Variants in MROH1 observed in about 807,000 individuals in gnomAD.
The protein encoded by MROH1 is maestro heat-like repeat-containing protein family member 1.
In MROH1, 117 loss-of-function variants were observed where a neutral mutation model predicts 116.5. That is an observed-to-expected ratio of 1.00 (90% CI 0.86 to 1.17). MROH1 has a LOEUF of 1.17. Among genes scored for constraint, MROH1 ranks in the 50% most tolerant of loss-of-function variants. MROH1 has a pLI of 0.00. For missense variants in MROH1, 1,873 were observed against 1,338.5 expected, an observed-to-expected ratio of 1.40 and a Z score of -6.23; for synonymous variants, 921 against 583.9, an observed-to-expected ratio of 1.58 and a Z score of -8.32.
At chr8:144,156,288 C>G (rs1274579274) in intron 1 of MROH1, among the ~76,000 whole-genome samples, 2 of 150,756 alleles carry the variant, frequency 1.3e-5, no homozygotes, top group African/African-American at 4.9e-5. Context: ...CCTTCTCTTC[C>G]TAGTTAAGGT....
Position 144,234,861 on chromosome 8 carries a change from TG to T in MROH1, c.1339-3894del, listed in dbSNP as rs561993250. 1.1e-4 allele frequency among the ~76,000 whole-genome samples: 17 copies of T among 150,858 alleles called. No homozygotes were observed. The South Asian group carries it at 3.3e-3, about 30-fold the overall frequency. ...TCATTTTCAGTTTATTATTTGCTAC[TG>T]TATAGAAAAACAATTATCCTTTTTC... On this transcript the variant is annotated intron_variant, in intron 14 of 43. Transcript: ENST00000326134.
At chr8:144,247,479 G>A (rs891590725) in intron 30 of MROH1, 43 bp downstream of exon 30, 2 of 764,918 alleles carry the variant, frequency 2.6e-6, no homozygotes, top group Non-Finnish European at 4.9e-6. Context: ...GTCGTGCAGG[G>A]GTGCTTGGAG....
chr8:144,150,036 C>G (rs897881332), intron 1 of MROH1, among the ~76,000 whole-genome samples: 73 of 152,280 alleles, frequency 4.8e-4, no homozygotes, highest in African/African-American at 1.7e-3. Flanking sequence ...ACACCCAGCC[C>G]TGCAGGCTGG....
intron 12 of MROH1, among the ~76,000 whole-genome samples, chr8:144,219,273 C>T (rs772679652): frequency 1.3e-5 from 2 of 152,092 alleles, no homozygotes; most frequent in Admixed American, 6.6e-5. Flanking sequence ...CCGCCCGTCT[C>T]GGCCTCCCAG....
At chr8:144,202,887 A>G (rs868200229) in intron 12 of MROH1, among the ~76,000 whole-genome samples, 2 of 43,062 alleles carry the variant, frequency 4.6e-5, no homozygotes, top group African/African-American at 2.2e-4. Context: ...GTGGAGGGGC[A>G]GGGAAGGAAG....
chr8:144,205,813 G>C (rs1462663532), intron 12 of MROH1, among the ~76,000 whole-genome samples: 1 of 152,014 alleles, frequency 6.6e-6, no homozygotes, highest in Admixed American at 6.6e-5. Flanking sequence ...ATTTTTGAAA[G>C]GCTTTTGGCC....
chr8:144,203,611 G>C (rs1832181635), intron 12 of MROH1, among the ~76,000 whole-genome samples: 1 of 152,112 alleles, frequency 6.6e-6, no homozygotes, highest in Admixed American at 6.5e-5. Context: ...GAGAGCGCCT[G>C]CAGCTTCCAC....
At position 144,260,559 on chromosome 8, in the gene MROH1, C is replaced by T. The variant is rs890650661; in HGVS notation, c.4381-118C>T. The T allele has an allele frequency of 5.6e-4, 424 of 759,160 alleles. 5 individuals are homozygous for T. In the East Asian group the frequency reaches 9.5e-3, roughly 17 times the overall value. 47.0% of individuals were successfully genotyped at this position (759,160 alleles called of 1,614,324 possible). On this transcript the variant is annotated intron_variant, in intron 39 of 43. Transcript: ENST00000326134. Reference sequence around the variant, plus strand: ...AGCCCCCACCCGTAAGGCCCCCACCCGTCGGGGTGTTTCCTGGCCCGGGTC... The same window carrying T: ...AGCCCCCACCCGTAAGGCCCCCACCTGTCGGGGTGTTTCCTGGCCCGGGTC...
Position 144,250,375 on chromosome 8 carries a change from C to T in MROH1, c.3428+9C>T. On this transcript the variant is annotated intron_variant, in intron 33 of 43. Coordinates refer to ENST00000326134, the MANE Select transcript of MROH1 (RefSeq NM_032450.3). Reference sequence around the variant, plus strand: ...CCCTTGCCCTTGGACAGGTACCCAGCTCAGACTCCAGGCTTAGGGGTCCCT... The same window carrying T: ...CCCTTGCCCTTGGACAGGTACCCAGTTCAGACTCCAGGCTTAGGGGTCCCT... 2.6e-6 allele frequency: 2 copies of T among 759,144 alleles called. No individual in the cohort carries two copies. Among genetic ancestry groups the T allele is most frequent in the Non-Finnish European group, 4.9e-6 (2 of 411,450 alleles). The allele number at this position is 759,144 out of a possible 1,614,324, so 47.0% of individuals were successfully genotyped here.
chr8:144,189,565 C>G (rs1166816558), intron 7 of MROH1, among the ~76,000 whole-genome samples: 2 of 149,830 alleles, frequency 1.3e-5, no homozygotes, highest in South Asian at 4.2e-4. Context: ...TCTGCCCGCT[C>G]CCAGCTCTGC....
At chr8:144,175,921 C>T (rs1048572052) in intron 4 of MROH1, among the ~76,000 whole-genome samples, 54 of 152,108 alleles carry the variant, frequency 3.6e-4, no homozygotes, top group Admixed American at 3.4e-3. Flanking sequence ...TGGTGGCACG[C>T]GCCTGTAGTT....
intron 14 of MROH1, among the ~76,000 whole-genome samples, chr8:144,227,324 A>G (rs1837996852): frequency 6.6e-6 from 1 of 152,330 alleles, no homozygotes; most frequent in Middle Eastern, 3.4e-3. Flanking sequence ...TAAGGGGAAC[A>G]TACTGCCTTT....
At chr8:144,212,743 C>T (rs560818230) in intron 12 of MROH1, among the ~76,000 whole-genome samples, 20 of 152,056 alleles carry the variant, frequency 1.3e-4, no homozygotes, top group South Asian at 4.2e-4. Context: ...GCATGCGCCA[C>T]GACACCCAGT....
chr8:144,236,200 T>G (rs1392456220), intron 14 of MROH1, among the ~76,000 whole-genome samples: 1 of 151,858 alleles, frequency 6.6e-6, no homozygotes, highest in Non-Finnish European at 1.5e-5. Context: ...TATGGTGGTG[T>G]TTTCTCATGA....
At chr8:144,190,732 G>A in intron 7 of MROH1, 52 bp from the exon 8 acceptor site, 2 of 1,587,350 alleles carry the variant, frequency 1.3e-6, no homozygotes, top group Non-Finnish European at 1.7e-6. Context: ...AGGTGCTGAG[G>A]ATCGTCACAA....
chr8:144,151,636 CCT>C (rs1816820305), intron 1 of MROH1, among the ~76,000 whole-genome samples: 4 of 152,206 alleles, frequency 2.6e-5, no homozygotes, highest in Admixed American at 2.6e-4. Context: ...TACAAAAAGC[CCT>C]CTGTCCTTGC....
intron 13 of MROH1, among the ~76,000 whole-genome samples, chr8:144,220,997 A>G (rs1836612851): frequency 6.6e-6 from 1 of 152,158 alleles, no homozygotes; most frequent in South Asian, 2.1e-4. Flanking sequence ...TTGCAGCAAA[A>G]GGATGCAGGT....
intron 10 of MROH1, among the ~76,000 whole-genome samples, chr8:144,195,570 G>C (rs1829706955): frequency 6.6e-6 from 1 of 150,606 alleles, no homozygotes; most frequent in Non-Finnish European, 1.5e-5. Flanking sequence ...TCCAACTCCT[G>C]GCTTCAGGTG....
intron 12 of MROH1, among the ~76,000 whole-genome samples, chr8:144,212,777 G>T (rs1218098382): frequency 6.6e-6 from 1 of 151,778 alleles, no homozygotes; most frequent in Non-Finnish European, 1.5e-5. Flanking sequence ...TTTTAGTACA[G>T]ATAGGGTTTC....
Sources: allele counts gnomAD v4.1 joint callset (sites outside exome capture counted in the v4.1 genomes callset), GRCh38; gene constraint gnomAD v4.1.1; transcripts MANE v1.5; gene names NCBI Gene and HGNC (gene_info 2026-07-23, HGNC 2026-07-21).